The following PPP1R36 variants were observed in gnomAD, a reference collection of about 807,000 sequenced individuals.
The protein encoded by PPP1R36 is chromosome 14 open reading frame 50.
In PPP1R36, 47 loss-of-function variants were observed where a neutral mutation model predicts 53.4. The ratio of observed to expected loss-of-function variants is 0.88; its 90% CI spans 0.70 to 1.12. The LOEUF (loss-of-function observed/expected upper bound fraction) is 1.12, where lower values mean the gene tolerates loss of function less well. PPP1R36 is among the 50% of genes most tolerant of loss of function. PPP1R36 has a pLI of 0.00. For missense variants in PPP1R36, 456 were observed against 513.9 expected (o/e 0.89, Z 1.09); for synonymous variants, 153 against 170.5 (o/e 0.90, Z 0.80).
intron 3 of PPP1R36, among the ~76,000 whole-genome samples, chr14:64,560,087 A>C (rs1264399945): frequency 1.4e-5 from 2 of 146,992 alleles, no homozygotes; most frequent in Non-Finnish European, 3.0e-5. Context: ...CTGGGCAACA[A>C]AACTAGAATC....
At chr14:64,580,805 C>T (rs1036314996) in intron 8 of PPP1R36, among the ~76,000 whole-genome samples, 6 of 152,118 alleles carry the variant, frequency 3.9e-5, no homozygotes, top group African/African-American at 7.2e-5. Flanking sequence ...ATGTTTTTGC[C>T]GGTTATAAGT....
rs568629043 is a variant in PPP1R36 at position 64,552,878 on chromosome 14, C to T, written c.182+17C>T. 68 of 1,605,500 alleles carry T rather than the reference C, an allele frequency of 4.2e-5. No homozygotes were observed. In the Middle Eastern group the frequency reaches 6.6e-4, roughly 16 times the overall value. ...TCACCCTCAGTGAGTGTGAGACAGACAGTGAGATAGCTTTGGGATTAGACA... is the reference window on the plus strand; with the variant it reads ...TCACCCTCAGTGAGTGTGAGACAGATAGTGAGATAGCTTTGGGATTAGACA... On this transcript the variant is annotated intron_variant, in intron 3 of 11. Transcript: ENST00000298705.
intron 3 of PPP1R36, among the ~76,000 whole-genome samples, chr14:64,561,355 C>A (rs1376217023): frequency 6.6e-6 from 1 of 152,204 alleles, no homozygotes; most frequent in African/African-American, 2.4e-5. Flanking sequence ...TCATAGGCAA[C>A]TCTTGCCTTA....
intron 9 of PPP1R36, 115 bp downstream of exon 9, chr14:64,586,994 C>A (rs2080438624): frequency 1.1e-6 from 1 of 901,160 alleles, no homozygotes; most frequent in Non-Finnish European, 1.8e-6. Context: ...ACGGTGCTAA[C>A]AAGCTATATG....
intron 10 of PPP1R36, 28 bp from the exon 11 acceptor site, chr14:64,588,076 A>G (rs750898298): frequency 6.4e-7 from 1 of 1,571,474 alleles, no homozygotes; most frequent in Non-Finnish European, 8.6e-7. Flanking sequence ...GGGTGATATG[A>G]CCTAAATGTC....
At chr14:64,579,049 G>A (rs1242242249) in intron 8 of PPP1R36, among the ~76,000 whole-genome samples, 1 of 152,154 alleles carries the variant, frequency 6.6e-6, no homozygotes, top group Non-Finnish European at 1.5e-5. Context: ...TTTATAAGTC[G>A]GAGCTAAATG....
At chr14:64,571,274 T>G (rs1189255812) in intron 7 of PPP1R36, among the ~76,000 whole-genome samples, 1 of 152,040 alleles carries the variant, frequency 6.6e-6, no homozygotes, top group Non-Finnish European at 1.5e-5. Context: ...TACAGGCATG[T>G]GCTACCATGC....
rs766378188 is a variant in PPP1R36 at position 64,589,282 on chromosome 14, G to C, written c.1213G>C (p.Asp405His). 2 of 1,613,910 alleles carry C rather than the reference G, an allele frequency of 1.2e-6. No individual in the cohort carries two copies. The highest frequency in any genetic ancestry group is 4.5e-5 in the East Asian group (2 of 44,868). ...LMENNNMRIQDTLDLVMKTLS... is the reference protein window; with the variant it reads ...LMENNNMRIQHTLDLVMKTLS... Reference sequence around the variant, plus strand: ...GGAAAACAATAACATGAGGATTCAGGATACACTGGACTTGGTCATGAAAAC... The same window carrying C: ...GGAAAACAATAACATGAGGATTCAGCATACACTGGACTTGGTCATGAAAAC... Residue 405 changes from aspartate to histidine, a missense_variant, in exon 12 of 12, where the codon GAT (aspartate) becomes CAT (histidine). Transcript: ENST00000298705.
chr14:64,582,152 T>C (rs2080394545), intron 8 of PPP1R36, among the ~76,000 whole-genome samples: 1 of 152,114 alleles, frequency 6.6e-6, no homozygotes, highest in South Asian at 2.1e-4. Flanking sequence ...TTACCCCCAG[T>C]CACATGCACC....
intron 8 of PPP1R36, among the ~76,000 whole-genome samples, chr14:64,585,085 A>G (rs1213329972): frequency 1.3e-5 from 2 of 152,192 alleles, no homozygotes; most frequent in African/African-American, 2.4e-5. Flanking sequence ...CAGACCAGGA[A>G]GTCCCTGTGA....
chr14:64,560,102 A>AC (rs2080193652), intron 3 of PPP1R36, among the ~76,000 whole-genome samples: 2 of 116,674 alleles, frequency 1.7e-5, no homozygotes, highest in Admixed American at 8.7e-5. Flanking sequence ...AGAATCTGTC[A>AC]CAAAAAAAAA....
chr14:64,550,717 C>T (rs2080087530), intron 1 of PPP1R36, among the ~76,000 whole-genome samples: 1 of 152,134 alleles, frequency 6.6e-6, no homozygotes, highest in Non-Finnish European at 1.5e-5. Flanking sequence ...GCGATAAAAT[C>T]CTAGCTTCAA....
chr14:64,559,185 A>C (rs2080183887), intron 3 of PPP1R36, among the ~76,000 whole-genome samples: 1 of 152,160 alleles, frequency 6.6e-6, no homozygotes. Flanking sequence ...GGTGGTGGGA[A>C]GGAGGTAATG....
intron 7 of PPP1R36, among the ~76,000 whole-genome samples, chr14:64,573,218 G>A (rs1012886760): frequency 1.3e-5 from 2 of 152,104 alleles, no homozygotes; most frequent in African/African-American, 2.4e-5. Context: ...CTTAAAATTT[G>A]GCTTCAGACA....
At chr14:64,571,190 A>G (rs993586552) in intron 7 of PPP1R36, among the ~76,000 whole-genome samples, 1 of 152,150 alleles carries the variant, frequency 6.6e-6, no homozygotes, top group Non-Finnish European at 1.5e-5. Flanking sequence ...CAGTGGCACA[A>G]TCTCGGCTCA....
At chr14:64,584,772 G>T (rs1423112737) in intron 8 of PPP1R36, among the ~76,000 whole-genome samples, 1 of 152,104 alleles carries the variant, frequency 6.6e-6, no homozygotes, top group Non-Finnish European at 1.5e-5. Context: ...TAATAATGTT[G>T]ACTATACCAT....
intron 2 of PPP1R36, among the ~76,000 whole-genome samples, chr14:64,552,447 C>T (rs1246741582): frequency 6.6e-6 from 1 of 152,126 alleles, no homozygotes; most frequent in Non-Finnish European, 1.5e-5. Context: ...CAAGATTGAG[C>T]CACTGCGCTC....
At chr14:64,582,561 T>C (rs556906674) in intron 8 of PPP1R36, among the ~76,000 whole-genome samples, 1 of 152,348 alleles carries the variant, frequency 6.6e-6, no homozygotes, top group Non-Finnish European at 1.5e-5. Flanking sequence ...TTGAGCACTT[T>C]GAAATGTAGT....
chr14:64,577,768 C>T (rs1338979635), intron 8 of PPP1R36, among the ~76,000 whole-genome samples: 7 of 144,506 alleles, frequency 4.8e-5, no homozygotes, highest in African/African-American at 1.8e-4. Flanking sequence ...CTCTGTCACC[C>T]AGGCTGGAGT....
Sources: gnomAD v4.1 joint callset for allele counts (sites outside exome capture counted in the v4.1 genomes callset) on GRCh38, gnomAD v4.1.1 for gene constraint, MANE v1.5 for transcripts, NCBI Gene and HGNC (gene_info 2026-07-23, HGNC 2026-07-21) for gene names.